Variants in KCNK5 observed in about 807,000 individuals in gnomAD.
KCNK5 encodes potassium channel subfamily K member 5.
A neutral mutation model predicts 32.9 loss-of-function variants in KCNK5; 18 were observed. The observed-to-expected ratio is 0.55, with a 90% CI of 0.38 to 0.81. The LOEUF (loss-of-function observed/expected upper bound fraction) is 0.81, where lower values mean the gene tolerates loss of function less well. KCNK5 is among the 30% of genes least tolerant of loss of function. The pLI is 0.00. For missense variants in KCNK5, 507 were observed against 651.0 expected (o/e 0.78, Z 2.41); for synonymous variants, 276 against 275.3 (o/e 1.00, Z -0.03).
chr6:39,193,983 AAG>A (rs1403179131), intron 4 of KCNK5, among the ~76,000 whole-genome samples, 184 bp downstream of exon 4: 1 of 152,154 alleles, frequency 6.6e-6, no homozygotes, highest in African/African-American at 2.4e-5. Context: ...CCAGAGAGAA[AAG>A]AGTTTTTTGT....
At chr6:39,192,345 C>T (rs1562049658) in intron 4 of KCNK5, among the ~76,000 whole-genome samples, 1 of 139,536 alleles carries the variant, frequency 7.2e-6, no homozygotes, top group Non-Finnish European at 1.5e-5. Context: ...GCTAAAGGGG[C>T]TTTGGGGGAC....
chr6:39,189,138 C>T lies in KCNK5; in HGVS notation c.*1752G>A, dbSNP rs1018391069. The T allele has an allele frequency of 6.6e-6, 1 of 152,294 alleles. No homozygotes were observed. The highest frequency in any genetic ancestry group is 1.5e-5 in the Non-Finnish European group (1 of 68,070). 9.4% of individuals were successfully genotyped at this position (152,294 alleles called of 1,614,324 possible). A position where few individuals can be genotyped will look rare whatever the true frequency, so the allele number is the denominator to read the frequency against. On this transcript the variant is annotated 3_prime_UTR_variant, in exon 5 of 5. Transcript: ENST00000359534. ...GAGGCTGCTCCTTTTCAGGCCCCTG[C>T]TGGGTGGCGGCCTCTGCAAACGGCT... is the stretch of plus-strand genomic sequence containing the variant.
At chr6:39,201,973 G>C (rs1443785835) in intron 1 of KCNK5, among the ~76,000 whole-genome samples, 1 of 152,166 alleles carries the variant, frequency 6.6e-6, no homozygotes, top group Non-Finnish European at 1.5e-5. Flanking sequence ...TCTAGAGACG[G>C]GGGTGAAAGG....
chr6:39,208,870 A>G (rs1321046716), intron 1 of KCNK5, among the ~76,000 whole-genome samples: 1 of 152,242 alleles, frequency 6.6e-6, no homozygotes, highest in Non-Finnish European at 1.5e-5. Context: ...CTGGCAGATC[A>G]TCTGAGGTCA....
At chr6:39,193,395 C>T (rs1476607909) in intron 4 of KCNK5, among the ~76,000 whole-genome samples, 1 of 152,260 alleles carries the variant, frequency 6.6e-6, no homozygotes, top group East Asian at 1.9e-4. Context: ...CTAGTGGCCT[C>T]CCACTGCCCT....
intron 4 of KCNK5, among the ~76,000 whole-genome samples, chr6:39,192,447 A>G (rs1770958809): frequency 6.6e-6 from 1 of 152,058 alleles, no homozygotes; most frequent in Non-Finnish European, 1.5e-5. Flanking sequence ...TTCTGCGTAT[A>G]TGATACAGTT....
chr6:39,195,630 G>A (rs1467866414), intron 2 of KCNK5, among the ~76,000 whole-genome samples: 1 of 152,244 alleles, frequency 6.6e-6, no homozygotes, highest in Non-Finnish European at 1.5e-5. Flanking sequence ...TCTCTTGCAT[G>A]GCTCTGGCCA....
rs1050318107 is a variant in KCNK5 at position 39,223,360 on chromosome 6, C to A, written c.186+5566G>T. Among the ~76,000 whole-genome samples, 10 of 152,202 alleles carry A rather than the reference C, an allele frequency of 6.6e-5. 1 individual carries two copies. Among genetic ancestry groups the A allele is most frequent in the African/African-American group, 2.4e-4 (10 of 41,456 alleles). On this transcript the variant is annotated intron_variant, in intron 1 of 4. Transcript: ENST00000359534. ...AAGATCCCTACTGAGGGCAGCACAT[C>A]CTCTCTCTATGTACAGCCATACTTG...
At chr6:39,208,926 C>T (rs1468802755) in intron 1 of KCNK5, among the ~76,000 whole-genome samples, 1 of 152,156 alleles carries the variant, frequency 6.6e-6, no homozygotes. Context: ...CCCATCTCTA[C>T]TAAAAATGCA....
intron 1 of KCNK5, among the ~76,000 whole-genome samples, chr6:39,202,214 C>T (rs1366466686): frequency 1.3e-5 from 2 of 152,178 alleles, no homozygotes; most frequent in Non-Finnish European, 2.9e-5. Flanking sequence ...ATTCCCTGGC[C>T]TCAACTAACT....
chr6:39,209,396 G>A (rs965002580), intron 1 of KCNK5, among the ~76,000 whole-genome samples: 7 of 152,084 alleles, frequency 4.6e-5, no homozygotes, highest in Non-Finnish European at 8.8e-5. Flanking sequence ...CATTGCCCCC[G>A]CCCACCATCC....
Position 39,191,763 on chromosome 6 carries a change from G to T in KCNK5, c.635-8C>A. 1 of 1,607,690 alleles carries T rather than the reference G, an allele frequency of 6.2e-7. No individual in the cohort carries two copies. Among genetic ancestry groups the T allele is most frequent in the Non-Finnish European group, 8.5e-7 (1 of 1,175,758 alleles). Reference sequence around the variant, plus strand: ...TGGCGCTGGGGTTCACACCTGAGCGGACAGGCAGTCCAGAGGTCAGGAAGA... The same window carrying T: ...TGGCGCTGGGGTTCACACCTGAGCGTACAGGCAGTCCAGAGGTCAGGAAGA... On this transcript the variant is annotated splice_region_variant and splice_polypyrimidine_tract_variant and intron_variant, in intron 4 of 4. Transcript: ENST00000359534. The surrounding 1 kb of genome is among the most constrained non-coding windows in gnomAD (Gnocchi z 5.8).
rs551702352 is a variant in KCNK5 at position 39,207,044 on chromosome 6, C to A, written c.187-11057G>T. 3.2e-4 allele frequency among the ~76,000 whole-genome samples: 48 copies of A among 152,258 alleles called. No homozygotes were observed. The South Asian group carries it at 9.5e-3, about 30-fold the overall frequency. On this transcript the variant is annotated intron_variant, in intron 1 of 4. Coordinates refer to ENST00000359534, the MANE Select transcript of KCNK5 (RefSeq NM_003740.4). ...GCTGGGCTAGGTGTTGACAGCAATG[C>A]CCTCCTTCCATTTACCACCTCCTGG...
chr6:39,221,518 T>G (rs1395784842), intron 1 of KCNK5, among the ~76,000 whole-genome samples: 1 of 152,206 alleles, frequency 6.6e-6, no homozygotes, highest in Non-Finnish European at 1.5e-5. Context: ...CCCAGCCCAA[T>G]GTCTGGCACC....
In KCNK5 at chr6:39,194,877, A is replaced by T; in HGVS notation, c.299-117T>A. 1.2e-6 allele frequency: 1 copy of T among 821,028 alleles called. No homozygotes were observed. The highest frequency in any genetic ancestry group is 2.0e-6 in the Non-Finnish European group (1 of 505,368). The allele number at this position is 821,028 out of a possible 1,614,324, so 50.9% of individuals were successfully genotyped here. A position where few individuals can be genotyped will look rare whatever the true frequency, so the allele number is the denominator to read the frequency against. ...AAATTGATATTGATCTATTGTCAGTACTTAAGTAATGATATTTCCCTTGAT... is the reference window on the plus strand; with the variant it reads ...AAATTGATATTGATCTATTGTCAGTTCTTAAGTAATGATATTTCCCTTGAT... On this transcript the variant is annotated intron_variant, in intron 2 of 4. Transcript: ENST00000359534. The surrounding 1 kb of genome is among the most constrained non-coding windows in gnomAD (Gnocchi z 4.7).
rs1261242460 is a variant in KCNK5 at position 39,190,169 on chromosome 6, G to GACCTGAGAC, written c.*712_*720dup. On this transcript the variant is annotated 3_prime_UTR_variant, in exon 5 of 5. Transcript: ENST00000359534. ...GAAAGCCTTGCGTCTGCCACTGCTT[G>GACCTGAGAC]ACCTGAGACAGGGAACACAGCTCTG... The GACCTGAGAC allele has an allele frequency of 2.6e-5, 4 of 152,344 alleles. No individual in the cohort carries two copies. Among genetic ancestry groups the GACCTGAGAC allele is most frequent in the Non-Finnish European group, 5.9e-5 (4 of 68,204 alleles). 9.4% of individuals were successfully genotyped at this position (152,344 alleles called of 1,614,324 possible). A position where few individuals can be genotyped will look rare whatever the true frequency, so the allele number is the denominator to read the frequency against.
chr6:39,194,594 C>A lies in KCNK5; in HGVS notation c.465G>T (p.Leu155=). 3 of 1,614,054 alleles carry A rather than the reference C, an allele frequency of 1.9e-6. No individual in the cohort carries two copies. Among genetic ancestry groups the A allele is most frequent in the Non-Finnish European group, 2.5e-6 (3 of 1,179,988 alleles). Residue 155 remains leucine (L), a splice_region_variant and synonymous_variant, in exon 3 of 5, where the codon CTG becomes CTT. Transcript: ENST00000359534. The surrounding 1 kb of genome is among the most constrained non-coding windows in gnomAD (Gnocchi z 4.7). The part of the protein sequence containing the change: ...GQFLTKRGVS[L]RKAQITCTVI... ...CCAACACCCAGGGTAGGGGACATACCAGACTCACACCTCTCTTGGTAAGGA... is the reference window on the plus strand; with the variant it reads ...CCAACACCCAGGGTAGGGGACATACAAGACTCACACCTCTCTTGGTAAGGA...
At chr6:39,217,293 C>T (rs1246366351) in intron 1 of KCNK5, among the ~76,000 whole-genome samples, 1 of 152,060 alleles carries the variant, frequency 6.6e-6, no homozygotes, top group Non-Finnish European at 1.5e-5. Context: ...ACACAAGCAG[C>T]AGAGTCCAAA....
rs565222780 is a variant in KCNK5, at chr6:39,194,868, A to G, written c.299-108T>C. The stretch of plus-strand genomic sequence containing the variant: ...CTCTAAGATAAATTGATATTGATCT[A>G]TTGTCAGTACTTAAGTAATGATATT... On this transcript the variant is annotated intron_variant, in intron 2 of 4. Transcript: ENST00000359534. This position sits in a 1 kb window ranked among gnomAD's most constrained non-coding sequence, Gnocchi z 4.7. 4.5e-5 allele frequency: 40 copies of G among 887,832 alleles called. No homozygotes were observed. In the African/African-American group the frequency reaches 6.3e-4, roughly 14 times the overall value. 55.0% of individuals were successfully genotyped at this position (887,832 alleles called of 1,614,324 possible).
Sources: gnomAD v4.1 joint callset for allele counts (sites outside exome capture counted in the v4.1 genomes callset) on GRCh38, gnomAD v4.1.1 for gene constraint, Gnocchi (gnomAD v3.1) non-coding constraint, MANE v1.5 for transcripts, NCBI Gene and HGNC (gene_info 2026-07-23, HGNC 2026-07-21) for gene names.